Variants in RNF115 observed in about 807,000 individuals in gnomAD.
RNF115 encodes the protein E3 ubiquitin-protein ligase RNF115.
A neutral mutation model predicts 39.2 loss-of-function variants in RNF115; 31 were observed. The observed-to-expected ratio is 0.79, with a 90% CI of 0.59 to 1.07. RNF115 has a LOEUF of 1.07. RNF115 is among the 50% of genes least tolerant of loss of function. The probability of loss-of-function intolerance (pLI) is 0.00; values close to 1 mark genes in which losing one functional copy is unlikely to be tolerated. For missense variants in RNF115, 384 were observed against 381.7 expected, an observed-to-expected ratio of 1.01 and a Z score of -0.05; for synonymous variants, 124 against 131.0, an observed-to-expected ratio of 0.95 and a Z score of 0.37.
intron 5 of RNF115, among the ~76,000 whole-genome samples, chr1:145,752,374 G>A (rs1658118309): frequency 6.6e-6 from 1 of 151,952 alleles, no homozygotes; most frequent in Non-Finnish European, 1.5e-5. Context: ...AAGCCTGGCA[G>A]GGACCATCTC....
At chr1:145,788,760 G>A (rs1376239917) in intron 2 of RNF115, 148 bp downstream of exon 2, 7 of 724,652 alleles carry the variant, frequency 9.7e-6, no homozygotes, top group South Asian at 1.5e-5. Context: ...CCTCTCTTGT[G>A]CAAGCTCATG....
intron 1 of RNF115, among the ~76,000 whole-genome samples, chr1:145,795,351 G>A (rs980951512): frequency 1.3e-5 from 2 of 152,100 alleles, no homozygotes; most frequent in Admixed American, 6.6e-5. Context: ...CAACGCGGAA[G>A]GGACCCAAGC....
intron 5 of RNF115, among the ~76,000 whole-genome samples, chr1:145,752,175 G>A (rs1658112598): frequency 6.6e-6 from 1 of 152,132 alleles, no homozygotes; most frequent in Non-Finnish European, 1.5e-5. Flanking sequence ...CAGACAAGAA[G>A]AAATTCCATC....
chr1:145,809,277 C>A (rs1649592561), intron 1 of RNF115, among the ~76,000 whole-genome samples: 1 of 150,122 alleles, frequency 6.7e-6, no homozygotes, highest in African/African-American at 2.5e-5. Flanking sequence ...ACCTCCACCT[C>A]CTGGGTTCAA....
chr1:145,820,095 T>A (rs1447674576), intron 1 of RNF115, among the ~76,000 whole-genome samples: 1 of 148,232 alleles, frequency 6.7e-6, no homozygotes, highest in Non-Finnish European at 1.5e-5. Context: ...TAGTCTTTAC[T>A]CCTGGGATGC....
intron 1 of RNF115, among the ~76,000 whole-genome samples, chr1:145,805,688 T>C (rs1649430443): frequency 1.3e-5 from 2 of 152,146 alleles, no homozygotes; most frequent in Non-Finnish European, 2.9e-5. Context: ...ACATGATCTA[T>C]GTGGAAAAAC....
chr1:145,746,678 G>A lies in RNF115; in HGVS notation c.*188C>T, dbSNP rs1444793937. ...TGAATTCAGGGATAAGAGGCATTTG[G>A]TTGTAGATACAATTCCATCTGTAGA... On this transcript the variant is annotated 3_prime_UTR_variant, in exon 9 of 9. Coordinates refer to ENST00000582693, the MANE Select transcript of RNF115 (RefSeq NM_014455.4). 6 of 578,708 alleles carry A rather than the reference G, an allele frequency of 1.0e-5. No individual in the cohort carries two copies. The highest frequency in any genetic ancestry group is 1.5e-5 in the Non-Finnish European group (5 of 337,630). 35.8% of individuals were successfully genotyped at this position (578,708 alleles called of 1,614,324 possible).
intron 2 of RNF115, chr1:145,787,018 A>T (rs892998003): frequency 3.2e-6 from 4 of 1,260,662 alleles, no homozygotes; most frequent in Non-Finnish European, 4.2e-6. Context: ...ATACTGTAAA[A>T]TGTGTAGTTT....
chr1:145,747,320 G>T (rs185220743), intron 8 of RNF115, among the ~76,000 whole-genome samples: 19 of 152,252 alleles, frequency 1.2e-4, no homozygotes, highest in African/African-American at 4.3e-4. Context: ...TTCCCAATAT[G>T]GTCTAGAGCA....
chr1:145,756,915 C>T (rs797026170), intron 4 of RNF115, among the ~76,000 whole-genome samples: 17 of 147,584 alleles, frequency 1.2e-4, no homozygotes, highest in African/African-American at 4.3e-4. Context: ...CAGCTCACTG[C>T]AACCTCTGCC....
intron 3 of RNF115, chr1:145,773,552 C>G (rs1406307988): frequency 6.6e-6 from 1 of 152,048 alleles, no homozygotes. Context: ...CAAAACTTAC[C>G]CAGGGCCTTT....
intron 1 of RNF115, among the ~76,000 whole-genome samples, chr1:145,811,883 C>CAA (rs67086842): frequency 0.013 from 460 of 35,854 alleles, 48 homozygotes; most frequent in Non-Finnish European, 0.021. Flanking sequence ...TTCTGTCTCA[C>CAA]AAAAAAAAAA....
At chr1:145,798,874 T>C (rs921305322) in intron 1 of RNF115, among the ~76,000 whole-genome samples, 1 of 152,152 alleles carries the variant, frequency 6.6e-6, no homozygotes, top group Admixed American at 6.5e-5. Flanking sequence ...TTCAAATTTT[T>C]CACTTCTTTG....
At position 145,801,717 on chromosome 1, in the gene RNF115, CAAAATCTTACCCCTCA is replaced by C. The variant is rs1649251006; in HGVS notation, c.103-12767_103-12752del. Among the ~76,000 whole-genome samples, 3 of 152,224 alleles carry C rather than the reference CAAAATCTTACCCCTCA, an allele frequency of 2.0e-5. No homozygotes were observed. In the East Asian group the frequency reaches 5.8e-4, roughly 29 times the overall value. ...AAAATATTTCCAATGTATGCAGTCA[CAAAATCTTACCCCTCA>C]GTAACTCATTTCTCTCTTTTTCAGT... On this transcript the variant is annotated intron_variant, in intron 1 of 8. Transcript: ENST00000582693.
rs10910843 is a variant in RNF115 at position 145,743,975 on chromosome 1, C to T, written c.*2891G>A. ...AAATGAGTCTCACATCCTCTATCCACCAGAGCAAAAAAAGTGAAGAAAACT... is the reference window on the plus strand; with the variant it reads ...AAATGAGTCTCACATCCTCTATCCATCAGAGCAAAAAAAGTGAAGAAAACT... On this transcript the variant is annotated 3_prime_UTR_variant, in exon 9 of 9. Coordinates refer to ENST00000582693, the MANE Select transcript of RNF115 (RefSeq NM_014455.4). The T allele has an allele frequency of 0.83, 127,182 of 152,480 alleles. 53,273 individuals carry two copies. Among genetic ancestry groups the T allele is most frequent in the African/African-American group, 0.89 (37,231 of 41,600 alleles). The allele number at this position is 152,480 out of a possible 1,614,324, so 9.4% of individuals were successfully genotyped here.
intron 6 of RNF115, among the ~76,000 whole-genome samples, 164 bp downstream of exon 6, chr1:145,751,274 A>G (rs1658076752): frequency 6.6e-6 from 1 of 152,240 alleles, no homozygotes; most frequent in Non-Finnish European, 1.5e-5. Context: ...ATGCTGAGCT[A>G]ACCCCATAAA....
intron 3 of RNF115, among the ~76,000 whole-genome samples, chr1:145,779,277 A>G (rs1041566048): frequency 3.3e-5 from 5 of 151,148 alleles, no homozygotes. Flanking sequence ...CAGGCTCAAG[A>G]GATTCTCCCA....
intron 1 of RNF115, among the ~76,000 whole-genome samples, chr1:145,796,090 T>C (rs587676215): frequency 2.0e-5 from 3 of 152,336 alleles, no homozygotes; most frequent in South Asian, 4.1e-4. Context: ...AACCCCAAAA[T>C]GATACTCTAA....
At chr1:145,794,217 T>C (rs1178999223) in intron 1 of RNF115, among the ~76,000 whole-genome samples, 3 of 152,188 alleles carry the variant, frequency 2.0e-5, no homozygotes, top group Non-Finnish European at 2.9e-5. Context: ...AAAAGAACCA[T>C]CTTTTTTAAA....
Sources: allele counts gnomAD v4.1 joint callset (sites outside exome capture counted in the v4.1 genomes callset), GRCh38; gene constraint gnomAD v4.1.1; transcripts MANE v1.5; gene names NCBI Gene and HGNC (gene_info 2026-07-23, HGNC 2026-07-21).